The following ARHGAP1 variants were observed in gnomAD, a reference collection of about 807,000 sequenced individuals.
ARHGAP1 encodes the protein rho GTPase-activating protein 1.
Under a neutral mutation model 52.2 loss-of-function variants are expected in ARHGAP1, and 23 were observed. The observed-to-expected ratio is 0.44, with a 90% confidence interval of 0.32 to 0.62. The LOEUF is 0.62. ARHGAP1 is among the 20% of genes least tolerant of loss of function. The pLI is 0.05. For missense variants in ARHGAP1, 480 were observed against 560.9 expected (o/e 0.86, Z 1.46); for synonymous variants, 210 against 228.4 (o/e 0.92, Z 0.73).
chr11:46,694,149 C>A (rs187988612), intron 3 of ARHGAP1, among the ~76,000 whole-genome samples: 1 of 152,304 alleles, frequency 6.6e-6, no homozygotes, highest in East Asian at 1.9e-4. Flanking sequence ...CCAGAAGGTC[C>A]CTGAGCCACC....
Position 46,679,130 on chromosome 11 carries a change from G to A in ARHGAP1, c.1227C>T (p.Thr409=), listed in dbSNP as rs1455199353. 6.2e-7 allele frequency: 1 copy of A among 1,614,114 alleles called. No homozygotes were observed. The highest frequency in any genetic ancestry group is 1.1e-5 in the South Asian group (1 of 91,078). The change falls in exon 13 of 13, where the codon ACC becomes ACT. Residue 409 remains threonine (T), a synonymous_variant. Coordinates refer to ENST00000311956, the MANE Select transcript of ARHGAP1 (RefSeq NM_004308.5). The surrounding 1 kb of genome is among the most constrained non-coding windows in gnomAD (Gnocchi z 4.4). ...TGTTGATGGGATTAATGGCCTTGAG[G>A]GTGATGGCCGCATCCTTGGCCCACA... ...NLLWAKDAAI[T]LKAINPINTF...
intron 4 of ARHGAP1, among the ~76,000 whole-genome samples, chr11:46,683,342 G>A (rs1054775272): frequency 2.6e-5 from 4 of 151,964 alleles, no homozygotes; most frequent in African/African-American, 9.7e-5. Flanking sequence ...ACTGCACCTG[G>A]CCGAAAGCCT....
chr11:46,697,985 AC>A (rs1032097517), intron 1 of ARHGAP1, among the ~76,000 whole-genome samples: 1 of 151,772 alleles, frequency 6.6e-6, no homozygotes, highest in African/African-American at 2.4e-5. Context: ...GCTCAAAGCA[AC>A]CCCCTCCAGG....
intron 3 of ARHGAP1, among the ~76,000 whole-genome samples, chr11:46,688,859 G>GA (rs962105885): frequency 6.6e-6 from 1 of 151,796 alleles, no homozygotes; most frequent in Non-Finnish European, 1.5e-5. Context: ...GAACCAGGGG[G>GA]ATCACCTGAG....
At position 46,696,175 on chromosome 11, in the gene ARHGAP1, G is replaced by A; in HGVS notation, c.-49-19C>T. ...GAGAAACCTGGGAGAGAGGAAGACA[G>A]GTGGCAGGTCAGTGACCTGCTCTTT... On this transcript the variant is annotated intron_variant, in intron 1 of 12. Transcript: ENST00000311956. This position sits in a 1 kb window ranked among gnomAD's most constrained non-coding sequence, Gnocchi z 4.8. 4 of 1,520,164 alleles carry A rather than the reference G, an allele frequency of 2.6e-6. No homozygotes were observed. The highest frequency in any genetic ancestry group is 3.5e-6 in the Non-Finnish European group (4 of 1,130,870). 94.2% of individuals were successfully genotyped at this position (1,520,164 alleles called of 1,614,324 possible). A position where few individuals can be genotyped will look rare whatever the true frequency, so the allele number is the denominator to read the frequency against.
At position 46,681,562 on chromosome 11, in the gene ARHGAP1, T is replaced by C. The variant is rs2064528339; in HGVS notation, c.450-183A>G. 3 of 557,094 alleles carry C rather than the reference T, an allele frequency of 5.4e-6. No individual in the cohort carries two copies. The highest frequency in any genetic ancestry group is 6.2e-5 in the Admixed American group (2 of 32,252). 34.5% of individuals were successfully genotyped at this position (557,094 alleles called of 1,614,324 possible). A position where few individuals can be genotyped will look rare whatever the true frequency, so the allele number is the denominator to read the frequency against. The stretch of plus-strand genomic sequence containing the variant: ...TATTCTCCTGCCTCAGCCTCCTGAG[T>C]AACTAGGATTACAGGCACCCACCAC... On this transcript the variant is annotated intron_variant, in intron 5 of 12. Coordinates refer to ENST00000311956, the MANE Select transcript of ARHGAP1 (RefSeq NM_004308.5). The surrounding 1 kb of genome is among the most constrained non-coding windows in gnomAD (Gnocchi z 5.7).
At chr11:46,692,551 G>C (rs981215543) in intron 3 of ARHGAP1, among the ~76,000 whole-genome samples, 1 of 152,218 alleles carries the variant, frequency 6.6e-6, no homozygotes, top group Admixed American at 6.5e-5. Flanking sequence ...TGGGGGGAGG[G>C]CTGGAGGCCT....
chr11:46,693,016 A>G (rs2064626129), intron 3 of ARHGAP1, among the ~76,000 whole-genome samples: 1 of 151,960 alleles, frequency 6.6e-6, no homozygotes, highest in African/African-American at 2.4e-5. Flanking sequence ...CCACGCCCAG[A>G]AAATTTTTTG....
At chr11:46,695,537 C>G (rs778303845) in intron 3 of ARHGAP1, 123 bp downstream of exon 3, 2 of 1,070,698 alleles carry the variant, frequency 1.9e-6, no homozygotes, top group African/African-American at 3.1e-5. Context: ...TGGCTCCCCA[C>G]ATGCCAGGAG....
At chr11:46,682,300 C>G (rs2064535096) in intron 4 of ARHGAP1, 118 bp from the exon 5 acceptor site, 1 of 1,356,168 alleles carries the variant, frequency 7.4e-7, no homozygotes. Context: ...AGGCCCTCCC[C>G]TAGCACAGTC....
At position 46,681,836 on chromosome 11, in the gene ARHGAP1, A is replaced by G. The variant is rs1056183459; in HGVS notation, c.449+215T>C. 5.9e-5 allele frequency among the ~76,000 whole-genome samples: 9 copies of G among 152,228 alleles called. No homozygotes were observed. The highest frequency in any genetic ancestry group is 1.2e-4 in the Non-Finnish European group (8 of 68,046). On this transcript the variant is annotated intron_variant, in intron 5 of 12. Coordinates refer to ENST00000311956, the MANE Select transcript of ARHGAP1 (RefSeq NM_004308.5). The surrounding 1 kb of genome is among the most constrained non-coding windows in gnomAD (Gnocchi z 5.7). ...AGAAAACAGGAGGCTCAAAGAGGTT[A>G]AGTAAAACAAGAGGTCAGAGTGCAA...
intron 4 of ARHGAP1, among the ~76,000 whole-genome samples, chr11:46,685,762 T>A (rs2064564175): frequency 6.9e-6 from 1 of 144,262 alleles, no homozygotes; most frequent in Non-Finnish European, 1.5e-5. Flanking sequence ...GACTGCAACC[T>A]CTACCTCCCG....
chr11:46,688,508 G>T (rs748221803), intron 3 of ARHGAP1, among the ~76,000 whole-genome samples: 14 of 151,952 alleles, frequency 9.2e-5, no homozygotes, highest in Non-Finnish European at 1.5e-4. Flanking sequence ...TTGAGATGGG[G>T]TCTTGTTCTT....
chr11:46,688,070 G>A lies in ARHGAP1; in HGVS notation c.317+103C>T, dbSNP rs1456052691. The A allele has an allele frequency of 1.8e-5, 20 of 1,130,192 alleles. No individual in the cohort carries two copies. The Admixed American group carries it at 4.1e-4, about 23-fold the overall frequency. The allele number at this position is 1,130,192 out of a possible 1,614,324, so 70.0% of individuals were successfully genotyped here. A position where few individuals can be genotyped will look rare whatever the true frequency, so the allele number is the denominator to read the frequency against. On this transcript the variant is annotated intron_variant, in intron 4 of 12. Transcript: ENST00000311956. ...GAGAAGAGGGAAGGCATTAAGGCAG[G>A]TGGCCTAGCACCCACAGGCAGGGAG...
rs2064523483 is a variant in ARHGAP1 at position 46,681,145 on chromosome 11, C to T, written c.537-36G>A. Reference sequence around the variant, plus strand: ...AAGAAAGGGCCTGGGTTGTGGGGGCCCGCTTCCGGTGGCCTCCACTCTCCC... The same window carrying T: ...AAGAAAGGGCCTGGGTTGTGGGGGCTCGCTTCCGGTGGCCTCCACTCTCCC... On this transcript the variant is annotated intron_variant, in intron 6 of 12. Coordinates refer to ENST00000311956, the MANE Select transcript of ARHGAP1 (RefSeq NM_004308.5). This position sits in a 1 kb window ranked among gnomAD's most constrained non-coding sequence, Gnocchi z 5.7. 6.3e-7 allele frequency: 1 copy of T among 1,594,828 alleles called. No individual in the cohort carries two copies.
intron 3 of ARHGAP1, among the ~76,000 whole-genome samples, chr11:46,688,541 G>T (rs999587398): frequency 2.6e-5 from 4 of 152,010 alleles, no homozygotes; most frequent in African/African-American, 9.7e-5. Context: ...GAATGTAGTG[G>T]CGCAATCACG....
At chr11:46,682,315 C>G in intron 4 of ARHGAP1, 133 bp from the exon 5 acceptor site, 1 of 1,249,484 alleles carries the variant, frequency 8.0e-7, no homozygotes, top group African/African-American at 1.5e-5. Flanking sequence ...ACAGTCTGTT[C>G]TGGCTCATAA....
chr11:46,688,100 A>G, intron 4 of ARHGAP1, 73 bp downstream of exon 4: 3 of 1,453,136 alleles, frequency 2.1e-6, no homozygotes, highest in Non-Finnish European at 2.9e-6. Context: ...AGGGAGGGAC[A>G]GTAAAGAACG....
At position 46,680,360 on chromosome 11, in the gene ARHGAP1, T is replaced by C; in HGVS notation, c.821-78A>G. ...TCCCTGCCCCTTCTCTGTCTTGGGG[T>C]TCTAGGCAGGGCTGGGTGGGGACGT... On this transcript the variant is annotated intron_variant, in intron 9 of 12. Transcript: ENST00000311956. The surrounding 1 kb of genome is among the most constrained non-coding windows in gnomAD (Gnocchi z 5.9). 4 of 1,584,822 alleles carry C rather than the reference T, an allele frequency of 2.5e-6. No individual in the cohort carries two copies. The highest frequency in any genetic ancestry group is 3.5e-6 in the Non-Finnish European group (4 of 1,154,468).
Sources: gnomAD v4.1 joint callset for allele counts (sites outside exome capture counted in the v4.1 genomes callset) on GRCh38, gnomAD v4.1.1 for gene constraint, Gnocchi (gnomAD v3.1) non-coding constraint, MANE v1.5 for transcripts, NCBI Gene and HGNC (gene_info 2026-07-23, HGNC 2026-07-21) for gene names.